The following TENM4 variants were observed in gnomAD, a reference collection of about 807,000 sequenced individuals.
TENM4 encodes the protein teneurin transmembrane protein 4, also known as teneurin-4.
Under a neutral mutation model 243.3 loss-of-function variants are expected in TENM4, and 82 were observed. That is an observed-to-expected ratio of 0.34 (90% CI 0.28 to 0.40). The LOEUF is 0.40. Among genes scored for constraint, TENM4 ranks in the 10% least tolerant of loss-of-function variants. The pLI is 1.00. For synonymous variants in TENM4, 1,412 were observed against 1,456.3 expected (o/e 0.97, Z 0.69); for missense variants, 3,138 against 3,673.3 (o/e 0.85, Z 3.77).
intron 1 of TENM4, among the ~76,000 whole-genome samples, chr11:79,326,140 C>G (rs1856971935): frequency 6.6e-6 from 1 of 152,162 alleles, no homozygotes; most frequent in Non-Finnish European, 1.5e-5. Context: ...TTTAAAAAGT[C>G]CCACCTCTCT....
chr11:78,774,794 G>A (rs56908822), intron 17 of TENM4, among the ~76,000 whole-genome samples: 5 of 152,020 alleles, frequency 3.3e-5, no homozygotes, highest in Non-Finnish European at 7.4e-5. Context: ...TCAAAACAAC[G>A]TCAAGTTAGT....
intron 6 of TENM4, among the ~76,000 whole-genome samples, chr11:78,923,660 C>T (rs1275926868): frequency 1.4e-5 from 2 of 145,220 alleles, no homozygotes; most frequent in African/African-American, 2.5e-5. Flanking sequence ...GTCTCAGCCT[C>T]CTAAGTAGCT....
intron 6 of TENM4, among the ~76,000 whole-genome samples, chr11:78,958,990 C>T (rs993055269): frequency 2.6e-5 from 4 of 152,174 alleles, no homozygotes; most frequent in African/African-American, 9.7e-5. Context: ...GGTTTTCTCC[C>T]ATTTCACAGA....
At chr11:78,698,772 G>T (rs1859034322) in intron 28 of TENM4, among the ~76,000 whole-genome samples, 2 of 152,224 alleles carry the variant, frequency 1.3e-5, no homozygotes, top group Admixed American at 6.5e-5. Context: ...TGAGACTTGG[G>T]TCTGGAGGCC....
At chr11:78,878,959 T>C (rs748601287) in intron 9 of TENM4, among the ~76,000 whole-genome samples, 1 of 152,256 alleles carries the variant, frequency 6.6e-6, no homozygotes, top group South Asian at 2.1e-4. Context: ...AGAATGAGAA[T>C]TGTGTCAGTA....
chr11:78,826,458 C>T (rs544653148), intron 12 of TENM4, among the ~76,000 whole-genome samples: 285 of 152,220 alleles, frequency 1.9e-3, no homozygotes, highest in Non-Finnish European at 2.7e-3. Flanking sequence ...AACCTAGAGA[C>T]TTACAGGTAA....
At chr11:79,175,894 G>A (rs925068520) in intron 3 of TENM4, among the ~76,000 whole-genome samples, 3 of 152,120 alleles carry the variant, frequency 2.0e-5, no homozygotes, top group Non-Finnish European at 4.4e-5. Flanking sequence ...AGACCAGCCT[G>A]GGCAACACAA....
chr11:79,243,159 G>A (rs1475544594), intron 2 of TENM4, among the ~76,000 whole-genome samples: 5 of 152,054 alleles, frequency 3.3e-5, no homozygotes, highest in Non-Finnish European at 7.4e-5. Context: ...TGTGCTCCTT[G>A]TCCCCATCAC....
At chr11:79,153,788 G>T (rs796252403) in intron 3 of TENM4, among the ~76,000 whole-genome samples, 1 of 152,088 alleles carries the variant, frequency 6.6e-6, no homozygotes, top group South Asian at 2.1e-4. Flanking sequence ...CTGTGTGTGG[G>T]TCTACGAGGC....
chr11:79,076,525 C>T (rs1860539790), intron 4 of TENM4: 1 of 152,254 alleles, frequency 6.6e-6, no homozygotes, highest in Middle Eastern at 3.2e-3. Context: ...ACCACGAGAA[C>T]AGCATGGGAA....
intron 1 of TENM4, among the ~76,000 whole-genome samples, chr11:79,394,315 C>A (rs1044108556): frequency 4.6e-5 from 7 of 152,152 alleles, no homozygotes; most frequent in Admixed American, 4.6e-4. Context: ...CATGCCTACC[C>A]CCGCATCCCA....
chr11:79,197,955 C>T (rs572513695), intron 3 of TENM4, among the ~76,000 whole-genome samples: 7 of 152,188 alleles, frequency 4.6e-5, no homozygotes, highest in East Asian at 1.9e-4. Flanking sequence ...AGGCTCAGGG[C>T]ATAGAGGCCC....
intron 7 of TENM4, among the ~76,000 whole-genome samples, chr11:78,902,087 G>A (rs1352571317): frequency 1.3e-5 from 2 of 152,086 alleles, no homozygotes; most frequent in Non-Finnish European, 2.9e-5. Flanking sequence ...AGGAGTTTGG[G>A]GAAATAAAAT....
At chr11:78,717,609 C>A (rs375199775) in intron 25 of TENM4, among the ~76,000 whole-genome samples, 12 of 152,204 alleles carry the variant, frequency 7.9e-5, no homozygotes, top group Admixed American at 2.6e-4. Flanking sequence ...AGAATATAAA[C>A]CTCTGAGCAT....
chr11:79,315,115 G>C (rs1856782614), intron 1 of TENM4, among the ~76,000 whole-genome samples: 1 of 152,176 alleles, frequency 6.6e-6, no homozygotes, highest in South Asian at 2.1e-4. Flanking sequence ...GAGTTTACTA[G>C]AAAAAAGGAT....
chr11:79,008,123 A>AGAGAATC (rs1260740369), intron 6 of TENM4, among the ~76,000 whole-genome samples: 1 of 152,168 alleles, frequency 6.6e-6, no homozygotes, highest in Non-Finnish European at 1.5e-5. Context: ...TGATGGAGTT[A>AGAGAATC]CCCATTAGAG....
At chr11:79,304,217 C>G (rs1032000433) in intron 1 of TENM4, among the ~76,000 whole-genome samples, 1 of 152,192 alleles carries the variant, frequency 6.6e-6, no homozygotes, top group Admixed American at 6.5e-5. Context: ...AAGGTGCAAG[C>G]TAATGTCTTC....
At chr11:78,889,064 C>A (rs1855606591) in intron 9 of TENM4, among the ~76,000 whole-genome samples, 2 of 152,194 alleles carry the variant, frequency 1.3e-5, no homozygotes. Context: ...CAGAAGACTG[C>A]ACAGGGGGAG....
Position 79,069,619 on chromosome 11 carries a change from C to T in TENM4, c.223+103G>A, listed in dbSNP as rs117550638. On this transcript the variant is annotated intron_variant, in intron 5 of 33. Transcript: ENST00000278550. ...TATGGCACCCCAACTGGTGTTCCAGCTCACCTGTGCCACGCCCACCTGCGC... is the reference window on the plus strand; with the variant it reads ...TATGGCACCCCAACTGGTGTTCCAGTTCACCTGTGCCACGCCCACCTGCGC... 11,227 of 1,408,772 alleles carry T rather than the reference C, an allele frequency of 8.0e-3. 66 individuals carry two copies. The highest frequency in any genetic ancestry group is 0.011 in the Middle Eastern group (43 of 3,958). The allele number at this position is 1,408,772 out of a possible 1,614,324, so 87.3% of individuals were successfully genotyped here.
Sources: gnomAD v4.1 joint callset for allele counts (sites outside exome capture counted in the v4.1 genomes callset) on GRCh38, gnomAD v4.1.1 for gene constraint, MANE v1.5 for transcripts, NCBI Gene and HGNC (gene_info 2026-07-23, HGNC 2026-07-21) for gene names.